ASAP1: variants seen among roughly 807,000 people sequenced by gnomAD.
ASAP1 encodes the protein ArfGAP with SH3 domain, ankyrin repeat and PH domain 1, also known as arf-GAP with SH3 domain, ANK repeat and PH domain-containing protein 1.
A neutral mutation model predicts 145.2 loss-of-function variants in ASAP1; 43 were observed. That is an observed-to-expected ratio of 0.30 (90% CI 0.23 to 0.38). The LOEUF is 0.38. Ranked by LOEUF, ASAP1 falls within the 10% of genes least tolerant of loss-of-function variation. The pLI is 1.00. For missense variants in ASAP1, 1,018 were observed against 1,355.3 expected (o/e 0.75, Z 3.91); for synonymous variants, 546 against 515.5 (o/e 1.06, Z -0.80).
At chr8:130,195,956 A>C (rs1052502780) in intron 5 of ASAP1, among the ~76,000 whole-genome samples, 1 of 152,194 alleles carries the variant, frequency 6.6e-6, no homozygotes, top group East Asian at 1.9e-4. Context: ...TTACTGATTT[A>C]TCATCTTTCT....
At chr8:130,379,608 C>T (rs749631415) in intron 2 of ASAP1, among the ~76,000 whole-genome samples, 4 of 152,076 alleles carry the variant, frequency 2.6e-5, no homozygotes, top group South Asian at 4.1e-4. Context: ...ACATGTAGTT[C>T]GGGTAGGAAA....
intron 2 of ASAP1, among the ~76,000 whole-genome samples, chr8:130,369,945 A>G (rs960388711): frequency 2.0e-5 from 3 of 152,188 alleles, no homozygotes; most frequent in Non-Finnish European, 4.4e-5. Context: ...ACAACGTGAC[A>G]CTTTTGAGAG....
At chr8:130,378,861 A>T (rs1413260193) in intron 2 of ASAP1, among the ~76,000 whole-genome samples, 1 of 152,158 alleles carries the variant, frequency 6.6e-6, no homozygotes, top group Non-Finnish European at 1.5e-5. Context: ...ACATGCCATG[A>T]TCTGGGCAAC....
intron 3 of ASAP1, 121 bp downstream of exon 3, chr8:130,357,896 C>A: frequency 1.5e-6 from 2 of 1,376,176 alleles, no homozygotes; most frequent in Non-Finnish European, 2.0e-6. Context: ...CCCGGCGGCT[C>A]CCTGAGGGGG....
At chr8:130,357,435 T>C (rs1826390572) in intron 3 of ASAP1, among the ~76,000 whole-genome samples, 1 of 152,178 alleles carries the variant, frequency 6.6e-6, no homozygotes, top group African/African-American at 2.4e-5. Flanking sequence ...TGTGCACAGA[T>C]CTCTTTCCAT....
chr8:130,418,775 AG>A (rs1310079758), intron 1 of ASAP1, among the ~76,000 whole-genome samples: 2 of 18,466 alleles, frequency 1.1e-4, no homozygotes, highest in East Asian at 9.6e-4. Flanking sequence ...AAAAAATAGG[AG>A]TTTTTTTTTT....
At chr8:130,381,362 A>G (rs1040044355) in intron 2 of ASAP1, among the ~76,000 whole-genome samples, 3 of 152,206 alleles carry the variant, frequency 2.0e-5, no homozygotes, top group African/African-American at 7.2e-5. Flanking sequence ...AACCCAATAT[A>G]TTCAAAATAC....
At chr8:130,412,884 T>C (rs541514647) in intron 1 of ASAP1, among the ~76,000 whole-genome samples, 1 of 152,152 alleles carries the variant, frequency 6.6e-6, no homozygotes, top group Non-Finnish European at 1.5e-5. Context: ...CCTTAGGTGA[T>C]CCACCCACCT....
chr8:130,146,770 A>C (rs1010518308), intron 13 of ASAP1, among the ~76,000 whole-genome samples: 20 of 152,232 alleles, frequency 1.3e-4, no homozygotes, highest in African/African-American at 4.3e-4. Context: ...TCCAAAGGAA[A>C]GGGAGAAGAG....
chr8:130,176,015 C>T (rs1813925317), intron 9 of ASAP1, among the ~76,000 whole-genome samples: 1 of 152,168 alleles, frequency 6.6e-6, no homozygotes, highest in Admixed American at 6.5e-5. Context: ...GAGGATATGT[C>T]TGTTTGGAAA....
intron 1 of ASAP1, among the ~76,000 whole-genome samples, chr8:130,443,206 G>A (rs1021830900): frequency 5.3e-5 from 8 of 151,074 alleles, no homozygotes; most frequent in Non-Finnish European, 1.0e-4. Flanking sequence ...AGCTGGAGGC[G>A]AGGAGACCTC....
At chr8:130,099,583 A>G (rs769225982) in intron 24 of ASAP1, among the ~76,000 whole-genome samples, 3 of 151,912 alleles carry the variant, frequency 2.0e-5, no homozygotes, top group African/African-American at 4.8e-5. Context: ...CACATGAGTG[A>G]GAACATGCAG....
At chr8:130,158,579 AGCAGAATCATTTGTT>A (rs2097662620) in intron 12 of ASAP1, among the ~76,000 whole-genome samples, 1 of 152,170 alleles carries the variant, frequency 6.6e-6, no homozygotes, top group African/African-American at 2.4e-5. Flanking sequence ...CTTACTGTGA[AGCAGAATCATTTGTT>A]TAAGCAACAG....
chr8:130,227,500 C>T (rs1465529727), intron 4 of ASAP1, among the ~76,000 whole-genome samples: 2 of 151,850 alleles, frequency 1.3e-5, no homozygotes, highest in South Asian at 2.1e-4. Flanking sequence ...TCAAGTGATT[C>T]GCCTCCCTTG....
At chr8:130,068,842 C>G (rs753310192) in intron 27 of ASAP1, among the ~76,000 whole-genome samples, 4 of 152,168 alleles carry the variant, frequency 2.6e-5, no homozygotes, top group Non-Finnish European at 5.9e-5. Context: ...GCTGAACATG[C>G]CTGTTACCCA....
chr8:130,064,668 A>G (rs990166377), intron 27 of ASAP1, among the ~76,000 whole-genome samples: 3 of 151,970 alleles, frequency 2.0e-5, no homozygotes, highest in African/African-American at 7.3e-5. Context: ...TTCCAATCCA[A>G]TTCTGACACC....
intron 1 of ASAP1, among the ~76,000 whole-genome samples, chr8:130,403,758 C>G (rs569813580): frequency 6.6e-6 from 1 of 151,980 alleles, no homozygotes; most frequent in Admixed American, 6.6e-5. Context: ...TTCGCCATGT[C>G]GAGCAGGCTG....
chr8:130,346,645 G>A (rs967085478), intron 3 of ASAP1, among the ~76,000 whole-genome samples: 7 of 152,172 alleles, frequency 4.6e-5, no homozygotes, highest in Non-Finnish European at 1.0e-4. Flanking sequence ...AGCAATGTTC[G>A]CAGATTCTGA....
intron 27 of ASAP1, among the ~76,000 whole-genome samples, chr8:130,063,055 A>C (rs758520793): frequency 6.6e-5 from 10 of 152,228 alleles, no homozygotes; most frequent in Non-Finnish European, 1.5e-4. Context: ...TGTTTTTATT[A>C]TGTGAAAAAT....
Sources: allele counts gnomAD v4.1 joint callset (sites outside exome capture counted in the v4.1 genomes callset), GRCh38; gene constraint gnomAD v4.1.1; transcripts MANE v1.5; gene names NCBI Gene and HGNC (gene_info 2026-07-23, HGNC 2026-07-21).